Variants in FCRL3 observed in about 807,000 individuals in gnomAD.
The protein encoded by FCRL3 is Fc receptor-like protein 3.
Under a neutral mutation model 75.0 loss-of-function variants are expected in FCRL3, and 89 were observed. The ratio of observed to expected loss-of-function variants is 1.19; its 90% CI spans 1.00 to 1.42. The LOEUF is 1.42. Ranked by LOEUF, FCRL3 falls within the 40% of genes most tolerant of loss-of-function variation. The pLI, the probability that FCRL3 is intolerant of heterozygous loss-of-function variation, is 0.00. For missense variants in FCRL3, 946 were observed against 880.0 expected (o/e 1.07, Z -0.95); for synonymous variants, 376 against 348.5 (o/e 1.08, Z -0.88).
At position 157,677,109 on chromosome 1, in the gene FCRL3, G is replaced by A. The variant is rs1390608896; in HGVS notation, c.*1601C>T. The A allele has an allele frequency of 2.8e-6, 3 of 1,082,004 alleles. No homozygotes were observed. Among genetic ancestry groups the A allele is most frequent in the Non-Finnish European group, 3.4e-6 (3 of 884,514 alleles). The allele number at this position is 1,082,004 out of a possible 1,614,324, so 67.0% of individuals were successfully genotyped here. A position where few individuals can be genotyped will look rare whatever the true frequency, so the allele number is the denominator to read the frequency against. On this transcript the variant is annotated 3_prime_UTR_variant, in exon 15 of 15. Transcript: ENST00000368184. ...CCCTGCACTCAAAGGCCAGGATAAG[G>A]GTAACAGAGGCCAGTGGGAGCAGTG...
In FCRL3 at chr1:157,697,190, A is replaced by T. The variant is rs369500063; in HGVS notation, c.794T>A (p.Val265Glu). 15 of 1,539,406 alleles carry T rather than the reference A, an allele frequency of 9.7e-6. No homozygotes were observed. The highest frequency in any genetic ancestry group is 1.3e-5 in the Non-Finnish European group (15 of 1,141,894). The change falls in exon 6 of 15, where the codon GTG (valine) becomes GAG (glutamate). Residue 265 changes from valine to glutamate, a missense_variant. Coordinates refer to ENST00000368184, the MANE Select transcript of FCRL3 (RefSeq NM_052939.4). ...GCTCCTTTTTTTGATGCTGTGAGTC[A>T]CTGTCTCCACCTCACACCAGTAAGA... ...SGSYWCEVETVTHSIKKRSLR... is the reference protein window; with the variant it reads ...SGSYWCEVETETHSIKKRSLR...
At chr1:157,680,325 A>T (rs1557820359) in intron 13 of FCRL3, among the ~76,000 whole-genome samples, 2 of 152,210 alleles carry the variant, frequency 1.3e-5, no homozygotes, top group African/African-American at 2.4e-5. Context: ...CTGGAAATAG[A>T]TTTTGGGAAG....
rs879258382 is a variant in FCRL3, at chr1:157,679,828, C to CAAAAAAAAAAAAAAAAAAAAAA, written c.2027-856_2027-855insTTTTTTTTTTTTTTTTTTTTTT. Among the ~76,000 whole-genome samples the CAAAAAAAAAAAAAAAAAAAAAA allele has an allele frequency of 2.9e-4, 8 of 27,918 alleles. 2 individuals are homozygous for CAAAAAAAAAAAAAAAAAAAAAA. Among genetic ancestry groups the CAAAAAAAAAAAAAAAAAAAAAA allele is most frequent in the Non-Finnish European group, 6.3e-4 (7 of 11,050 alleles). 18.3% of individuals were successfully genotyped at this position (27,918 alleles called of 152,430 possible). On this transcript the variant is annotated intron_variant, in intron 13 of 14. Transcript: ENST00000368184. Reference sequence around the variant, plus strand: ...TGGGCGACAGAACGAGACCCCATCTCACAAAAAAAAAAAAAAAAAAAAAAA... The same window carrying CAAAAAAAAAAAAAAAAAAAAAA: ...TGGGCGACAGAACGAGACCCCATCTCAAAAAAAAAAAAAAAAAAAAAAACAAAAAAAAAAAAAAAAAAAAAAA...
chr1:157,682,602 G>T (rs2101591551), intron 11 of FCRL3, among the ~76,000 whole-genome samples: 1 of 152,304 alleles, frequency 6.6e-6, no homozygotes, highest in South Asian at 2.1e-4. Flanking sequence ...TCTTTGAAAG[G>T]CAAAAACTCA....
intron 13 of FCRL3, among the ~76,000 whole-genome samples, chr1:157,679,940 C>A (rs1654732959): frequency 6.8e-6 from 1 of 147,388 alleles, no homozygotes; most frequent in Non-Finnish European, 1.5e-5. Context: ...ATGCAACAAG[C>A]ATTATGGGCA....
chr1:157,691,273 A>G (rs1027566705), intron 8 of FCRL3, among the ~76,000 whole-genome samples: 1 of 152,238 alleles, frequency 6.6e-6, no homozygotes, highest in African/African-American at 2.4e-5. Flanking sequence ...TAGTGGGAAG[A>G]ATAGAAAGCC....
intron 2 of FCRL3, 65 bp from the exon 3 acceptor site, chr1:157,699,777 A>G: frequency 1.3e-6 from 2 of 1,561,356 alleles, no homozygotes; most frequent in Non-Finnish European, 1.8e-6. Context: ...CCTAACCACA[A>G]CCACTTCTTT....
chr1:157,696,254 G>A lies in FCRL3; in HGVS notation c.918C>T (p.Val306=). The change falls in exon 7 of 15, where the codon GTC becomes GTT. Residue 306 remains valine (V), a synonymous_variant. Transcript: ENST00000368184. ...AACCCTGGGCTACTGAGCAAATAAG[G>A]ACCATATTTTCTCCTTCAATCAGCT... is the stretch of plus-strand genomic sequence containing the variant. ...GGQLIEGENM[V]LICSVAQGSG... The A allele has an allele frequency of 6.2e-7, 1 of 1,613,960 alleles. No homozygotes were observed. The highest frequency in any genetic ancestry group is 8.5e-7 in the Non-Finnish European group (1 of 1,179,978).
At chr1:157,700,894 C>G, upstream of FCRL3, 1 of 305,014 alleles carries the variant, frequency 3.3e-6, no homozygotes, top group South Asian at 7.7e-5. Flanking sequence ...CTGCATGCAG[C>G]TCCTAATGTA....
At chr1:157,683,099 G>T in intron 11 of FCRL3, 118 bp downstream of exon 11, 1 of 1,144,866 alleles carries the variant, frequency 8.7e-7, no homozygotes, top group Non-Finnish European at 1.2e-6. Flanking sequence ...TTTTTATTTT[G>T]TAAGAACGTA....
chr1:157,687,077 A>C (rs941096939), intron 10 of FCRL3, among the ~76,000 whole-genome samples: 3 of 151,988 alleles, frequency 2.0e-5, no homozygotes, highest in Non-Finnish European at 4.4e-5. Context: ...TAAGGAACTT[A>C]AACAAATCAA....
chr1:157,695,659 C>T, intron 7 of FCRL3, 52 bp from the exon 8 acceptor site: 1 of 1,540,692 alleles, frequency 6.5e-7, no homozygotes, highest in Non-Finnish European at 8.7e-7. Context: ...GACAGATGCA[C>T]AACCTCTCTC....
In FCRL3 at chr1:157,690,159, A is replaced by T. The variant is rs531263404; in HGVS notation, c.1690+96T>A. ...GTCCCAAGCCTTCGTGTGCATGTTCAAAACCTCCTTGGTGCTAGTAGAATT... is the reference window on the plus strand; with the variant it reads ...GTCCCAAGCCTTCGTGTGCATGTTCTAAACCTCCTTGGTGCTAGTAGAATT... On this transcript the variant is annotated intron_variant, in intron 9 of 14. Coordinates refer to ENST00000368184, the MANE Select transcript of FCRL3 (RefSeq NM_052939.4). The T allele has an allele frequency of 2.4e-5, 36 of 1,514,074 alleles. No homozygotes were observed. The South Asian group carries it at 4.3e-4, about 18-fold the overall frequency. 93.8% of individuals were successfully genotyped at this position (1,514,074 alleles called of 1,614,324 possible). A position where few individuals can be genotyped will look rare whatever the true frequency, so the allele number is the denominator to read the frequency against.
In FCRL3 at chr1:157,678,634, T is replaced by C; in HGVS notation, c.*76A>G. 6.3e-7 allele frequency: 1 copy of C among 1,589,388 alleles called. No homozygotes were observed. Among genetic ancestry groups the C allele is most frequent in the Non-Finnish European group, 8.5e-7 (1 of 1,172,830 alleles). On this transcript the variant is annotated 3_prime_UTR_variant, in exon 15 of 15. Transcript: ENST00000368184. ...TCGTAGGAGGCAGAGTCTGGAGAGA[T>C]GGATGATGTGTGGTTGGAGAGAACA... is the stretch of plus-strand genomic sequence containing the variant.
At chr1:157,681,998 G>C (rs1348072670) in intron 11 of FCRL3, among the ~76,000 whole-genome samples, 1 of 151,812 alleles carries the variant, frequency 6.6e-6, no homozygotes, top group Non-Finnish European at 1.5e-5. Context: ...GGCCAGTGAT[G>C]ATGAGCATTT....
chr1:157,678,366 T>G lies in FCRL3; in HGVS notation c.*344A>C, dbSNP rs371154526. 5.7e-4 allele frequency: 626 copies of G among 1,093,670 alleles called. 1 individual carries two copies. The African/African-American group carries it at 8.7e-3, about 15-fold the overall frequency. The allele number at this position is 1,093,670 out of a possible 1,614,324, so 67.7% of individuals were successfully genotyped here. ...CAGAGAGCACATTAACAGCTTTCGA[T>G]CACACTTGGATCAAATGGTCATGAT... is the stretch of plus-strand genomic sequence containing the variant. On this transcript the variant is annotated 3_prime_UTR_variant, in exon 15 of 15. Coordinates refer to ENST00000368184, the MANE Select transcript of FCRL3 (RefSeq NM_052939.4).
intron 8 of FCRL3, among the ~76,000 whole-genome samples, chr1:157,691,558 G>C (rs1407183064): frequency 6.6e-6 from 1 of 152,210 alleles, no homozygotes; most frequent in Non-Finnish European, 1.5e-5. Context: ...CATCAGGATA[G>C]AGGTGCCAAG....
chr1:157,680,680 A>T (rs756823347), intron 13 of FCRL3, 22 bp downstream of exon 13: 9 of 1,609,132 alleles, frequency 5.6e-6, no homozygotes, highest in Non-Finnish European at 7.7e-6. Context: ...CCTCACCTCT[A>T]TTTGCCTGAA....
At chr1:157,693,996 C>T (rs769792288) in intron 8 of FCRL3, among the ~76,000 whole-genome samples, 26 of 152,130 alleles carry the variant, frequency 1.7e-4, no homozygotes, top group Non-Finnish European at 2.2e-4. Context: ...GTGATTTGCC[C>T]ACCTCGGCCT....
Sources: allele counts gnomAD v4.1 joint callset (sites outside exome capture counted in the v4.1 genomes callset), GRCh38; gene constraint gnomAD v4.1.1; transcripts MANE v1.5; gene names NCBI Gene and HGNC (gene_info 2026-07-23, HGNC 2026-07-21).